The following RBFOX3 variants were observed in gnomAD, a reference collection of about 807,000 sequenced individuals.
The protein encoded by RBFOX3 is RNA binding fox-1 homolog 3.
A neutral mutation model predicts 48.7 loss-of-function variants in RBFOX3; 17 were observed. The observed-to-expected ratio is 0.35, with a 90% CI of 0.24 to 0.52. The LOEUF (loss-of-function observed/expected upper bound fraction) is 0.52. Among genes scored for constraint, RBFOX3 ranks in the 20% least tolerant of loss-of-function variants. The pLI, the probability that RBFOX3 is intolerant of heterozygous loss-of-function variation, is 0.94. For synonymous variants in RBFOX3, 212 were observed against 209.5 expected, an observed-to-expected ratio of 1.01 and a Z score of -0.10; for missense variants, 382 against 497.5, an observed-to-expected ratio of 0.77 and a Z score of 2.21.
intron 2 of RBFOX3, among the ~76,000 whole-genome samples, chr17:79,377,546 G>C (rs997357814): frequency 6.6e-6 from 1 of 152,212 alleles, no homozygotes; most frequent in Admixed American, 6.5e-5. Flanking sequence ...TGCTGTAGGT[G>C]CGGCGGCCGA....
chr17:79,529,457 C>T (rs2150066432), intron 1 of RBFOX3, among the ~76,000 whole-genome samples: 1 of 152,280 alleles, frequency 6.6e-6, no homozygotes, highest in East Asian at 1.9e-4. Context: ...CAGAGGGAGA[C>T]TGGGGTGCAG....
rs2061481825 is a variant in RBFOX3, at chr17:79,392,485, G to A, written c.-174-84661C>T. Among the ~76,000 whole-genome samples, 1 of 152,208 alleles carries A rather than the reference G, an allele frequency of 6.6e-6. No homozygotes were observed. The highest frequency in any genetic ancestry group is 1.5e-5 in the Non-Finnish European group (1 of 68,042). On this transcript the variant is annotated intron_variant, in intron 2 of 14. Transcript: ENST00000693108. This position sits in a 1 kb window ranked among gnomAD's most constrained non-coding sequence, Gnocchi z 5.0. ...ACAGGTGTCTTGTGGCTGTCACTGA[G>A]GTTGTTCATAATCTCCTGGCTCCTG...
chr17:79,134,554 T>C (rs1013776080), intron 4 of RBFOX3, among the ~76,000 whole-genome samples: 1 of 152,212 alleles, frequency 6.6e-6, no homozygotes, highest in Non-Finnish European at 1.5e-5. Flanking sequence ...TTTGAGACTC[T>C]GCTCCTCAAA....
At chr17:79,496,391 T>C (rs2149676163) in intron 1 of RBFOX3, among the ~76,000 whole-genome samples, 1 of 152,154 alleles carries the variant, frequency 6.6e-6, no homozygotes, top group Admixed American at 6.5e-5. Flanking sequence ...GGGCTCTTCC[T>C]CTCTCTAGGC....
In RBFOX3 at chr17:79,092,957, A is replaced by G. The variant is rs374230666; in HGVS notation, c.1077+1494T>C. On this transcript the variant is annotated intron_variant, in intron 14 of 14. Transcript: ENST00000693108. ...CTGGCCTCTCACTGTCCTTATGCAG[A>G]GGGGGGGTCCCAGCTTGAGCCCCAC... 8.3e-3 allele frequency among the ~76,000 whole-genome samples: 1,262 copies of G among 151,996 alleles called. 6 individuals are homozygous for G. The highest frequency in any genetic ancestry group is 0.021 in the South Asian group (102 of 4,820).
Position 79,118,768 on chromosome 17 carries a change from T to C in RBFOX3, c.-33-3020A>G, listed in dbSNP as rs148975170. ...TGGGAGGATTGCTTGAGCCCAGGAG[T>C]TCGAGACCATCCTGGACAACACAGT... On this transcript the variant is annotated intron_variant, in intron 4 of 14. Transcript: ENST00000693108. 2.3e-3 allele frequency among the ~76,000 whole-genome samples: 343 copies of C among 149,956 alleles called. 14 individuals are homozygous for C. The East Asian group carries it at 0.061, about 27-fold the overall frequency.
rs187585211 is a variant in RBFOX3, at chr17:79,300,350, C to T, written c.-74+7374G>A. The stretch of plus-strand genomic sequence containing the variant: ...AAGCACTCAATATTGCCCTGGGAAG[C>T]ACCCAGAATCCAGTAGAGATGGGAA... On this transcript the variant is annotated intron_variant, in intron 3 of 14. Transcript: ENST00000693108. 3.7e-3 allele frequency among the ~76,000 whole-genome samples: 560 copies of T among 152,272 alleles called. 4 individuals are homozygous for T. Among genetic ancestry groups the T allele is most frequent in the African/African-American group, 0.012 (518 of 41,544 alleles).
rs899644786 is a variant in RBFOX3 at position 79,585,401 on chromosome 17, C to T, written c.-320+25425G>A. ...TGAAACCCCATCTCTACTAAAAATACGAAAAATGAGCTGGGTATGGTTGCA... is the reference window on the plus strand; with the variant it reads ...TGAAACCCCATCTCTACTAAAAATATGAAAAATGAGCTGGGTATGGTTGCA... On this transcript the variant is annotated intron_variant, in intron 1 of 14. Transcript: ENST00000693108. Among the ~76,000 whole-genome samples the T allele has an allele frequency of 5.9e-4, 89 of 151,316 alleles. 1 individual carries two copies. Among genetic ancestry groups the T allele is most frequent in the African/African-American group, 2.1e-3 (85 of 41,284 alleles).
chr17:79,223,435 C>T (rs1165266644), intron 4 of RBFOX3, among the ~76,000 whole-genome samples: 1 of 152,216 alleles, frequency 6.6e-6, no homozygotes, highest in Non-Finnish European at 1.5e-5. Flanking sequence ...CAGAACCTTC[C>T]CCTGGAAATG....
intron 2 of RBFOX3, among the ~76,000 whole-genome samples, chr17:79,333,860 G>A (rs1041171859): frequency 7.2e-5 from 11 of 152,044 alleles, no homozygotes; most frequent in East Asian, 3.9e-4. Flanking sequence ...ACATCCTCAA[G>A]AGGCATCATC....
intron 4 of RBFOX3, among the ~76,000 whole-genome samples, chr17:79,194,927 C>T (rs1401831629): frequency 3.2e-5 from 1 of 30,960 alleles, no homozygotes; most frequent in African/African-American, 1.0e-4. Flanking sequence ...GTTTGTTTTA[C>T]TTTCTCAATG....
At chr17:79,097,663 T>TACCAAACCC in intron 10 of RBFOX3, 29 bp downstream of exon 10, 2 of 1,384,068 alleles carry the variant, frequency 1.4e-6, no homozygotes, top group South Asian at 1.2e-5. Flanking sequence ...GCTGGTCTCA[T>TACCAAACCC]CCCATCCCCG....
chr17:79,116,386 G>A (rs1477206751), intron 4 of RBFOX3, among the ~76,000 whole-genome samples: 2 of 152,054 alleles, frequency 1.3e-5, no homozygotes, highest in Non-Finnish European at 1.5e-5. Context: ...GTGGTGGCAC[G>A]TGCCTATAAT....
At chr17:79,544,883 C>T (rs967481541) in intron 1 of RBFOX3, among the ~76,000 whole-genome samples, 11 of 150,108 alleles carry the variant, frequency 7.3e-5, no homozygotes, top group African/African-American at 2.7e-4. Flanking sequence ...ACCCCAAACT[C>T]AAACACCGCC....
At chr17:79,582,945 C>T (rs1000630763) in intron 1 of RBFOX3, among the ~76,000 whole-genome samples, 4 of 152,120 alleles carry the variant, frequency 2.6e-5, no homozygotes, top group Non-Finnish European at 4.4e-5. Context: ...TGGACCACTG[C>T]GACCCACAAT....
intron 2 of RBFOX3, among the ~76,000 whole-genome samples, chr17:79,395,890 C>T (rs1777510068): frequency 6.6e-6 from 1 of 152,248 alleles, no homozygotes; most frequent in South Asian, 2.1e-4. Flanking sequence ...CCCTCACCTG[C>T]CAGCGGGGCT....
At chr17:79,422,536 C>T (rs1264449432) in intron 2 of RBFOX3, among the ~76,000 whole-genome samples, 2 of 152,202 alleles carry the variant, frequency 1.3e-5, no homozygotes, top group Admixed American at 6.5e-5. Flanking sequence ...CCTACACACC[C>T]CTTCATTTGC....
At chr17:79,539,938 T>C (rs1313233234) in intron 1 of RBFOX3, among the ~76,000 whole-genome samples, 4 of 152,194 alleles carry the variant, frequency 2.6e-5, no homozygotes, top group Non-Finnish European at 4.4e-5. Flanking sequence ...CACATACCTA[T>C]ACAAAAAAAC....
intron 1 of RBFOX3, among the ~76,000 whole-genome samples, chr17:79,567,245 G>A (rs1422825956): frequency 7.2e-6 from 1 of 139,646 alleles, no homozygotes; most frequent in Admixed American, 7.7e-5. Flanking sequence ...GTGCAGTGGT[G>A]TGATCTCGGC....
Sources: gnomAD v4.1 joint callset for allele counts (sites outside exome capture counted in the v4.1 genomes callset) on GRCh38, gnomAD v4.1.1 for gene constraint, Gnocchi (gnomAD v3.1) non-coding constraint, MANE v1.5 for transcripts, NCBI Gene and HGNC (gene_info 2026-07-23, HGNC 2026-07-21) for gene names.